Variants in SPIDR observed in about 807,000 individuals in gnomAD.
SPIDR encodes the protein scaffold protein involved in DNA repair, also known as DNA repair-scaffolding protein.
In SPIDR, 93 loss-of-function variants were observed where a neutral mutation model predicts 104.6. The observed-to-expected ratio is 0.89, with a 90% CI of 0.75 to 1.06. The LOEUF (loss-of-function observed/expected upper bound fraction) is 1.06, where lower values mean the gene tolerates loss of function less well. Ranked by LOEUF, SPIDR falls within the 50% of genes least tolerant of loss-of-function variation. The probability of loss-of-function intolerance (pLI) is 0.00; values close to 1 mark genes in which losing one functional copy is unlikely to be tolerated. For missense variants in SPIDR, 1,154 were observed against 1,111.2 expected, an observed-to-expected ratio of 1.04 and a Z score of -0.55; for synonymous variants, 431 against 416.9, an observed-to-expected ratio of 1.03 and a Z score of -0.41.
intron 5 of SPIDR, among the ~76,000 whole-genome samples, chr8:47,366,498 C>G (rs775075073): frequency 6.6e-6 from 1 of 152,130 alleles, no homozygotes. Context: ...ACCAGTGTTT[C>G]TAATGATTCT....
At chr8:47,334,718 T>A (rs2049372891) in intron 5 of SPIDR, among the ~76,000 whole-genome samples, 1 of 152,188 alleles carries the variant, frequency 6.6e-6, no homozygotes, top group Non-Finnish European at 1.5e-5. Context: ...ATTTTGACAA[T>A]TTGTCTTTTA....
At chr8:47,377,931 C>T (rs2058861469) in intron 5 of SPIDR, among the ~76,000 whole-genome samples, 1 of 152,130 alleles carries the variant, frequency 6.6e-6, no homozygotes, top group South Asian at 2.1e-4. Context: ...CTTTTAGTGC[C>T]TTGATTATTT....
At chr8:47,586,942 T>C (rs2154416287) in intron 8 of SPIDR, among the ~76,000 whole-genome samples, 1 of 152,266 alleles carries the variant, frequency 6.6e-6, no homozygotes, top group Admixed American at 6.5e-5. Flanking sequence ...CTAATTTTTG[T>C]ATTTTTAGTA....
At chr8:47,281,743 C>G (rs2037820115) in intron 2 of SPIDR, among the ~76,000 whole-genome samples, 1 of 152,212 alleles carries the variant, frequency 6.6e-6, no homozygotes, top group African/African-American at 2.4e-5. Context: ...TCAACTTCTT[C>G]CAAACTCCTG....
chr8:47,402,579 A>G (rs1432055136), intron 6 of SPIDR, among the ~76,000 whole-genome samples: 1 of 152,224 alleles, frequency 6.6e-6, no homozygotes, highest in African/African-American at 2.4e-5. Flanking sequence ...AAACACCTCT[A>G]CGCAAATAAA....
chr8:47,274,734 C>G (rs1341543829), intron 1 of SPIDR, among the ~76,000 whole-genome samples: 3 of 151,558 alleles, frequency 2.0e-5, no homozygotes, highest in African/African-American at 7.3e-5. Context: ...CGCGACCACA[C>G]CCGGCTAATT....
intron 9 of SPIDR, among the ~76,000 whole-genome samples, chr8:47,596,988 A>C (rs919785669): frequency 6.6e-6 from 1 of 152,192 alleles, no homozygotes; most frequent in African/African-American, 2.4e-5. Context: ...AGTAACATGC[A>C]TGAAGCTGTC....
At chr8:47,378,498 A>G (rs1264132328) in intron 5 of SPIDR, among the ~76,000 whole-genome samples, 1 of 152,226 alleles carries the variant, frequency 6.6e-6, no homozygotes, top group Non-Finnish European at 1.5e-5. Context: ...CTACATACAT[A>G]TAGATTTTAC....
At chr8:47,495,486 T>G (rs1379969829) in intron 8 of SPIDR, among the ~76,000 whole-genome samples, 2 of 152,152 alleles carry the variant, frequency 1.3e-5, no homozygotes, top group African/African-American at 4.8e-5. Flanking sequence ...TGTACAACCA[T>G]GAGAATGTTT....
At chr8:47,666,850 C>T (rs886384223) in intron 10 of SPIDR, among the ~76,000 whole-genome samples, 2 of 151,998 alleles carry the variant, frequency 1.3e-5, no homozygotes, top group Non-Finnish European at 2.9e-5. Flanking sequence ...AAAAATACTT[C>T]CTGTTGGATC....
At chr8:47,490,327 T>C (rs2078471365) in intron 8 of SPIDR, among the ~76,000 whole-genome samples, 1 of 152,084 alleles carries the variant, frequency 6.6e-6, no homozygotes, top group Non-Finnish European at 1.5e-5. Context: ...AGAATGGCGA[T>C]CATTAAAAAG....
intron 7 of SPIDR, among the ~76,000 whole-genome samples, chr8:47,437,417 A>C (rs1453613328): frequency 9.8e-3 from 1,234 of 125,528 alleles, no homozygotes; most frequent in South Asian, 0.015. Flanking sequence ...TACAAAGGAC[A>C]TGAACTCATC....
intron 16 of SPIDR, among the ~76,000 whole-genome samples, chr8:47,723,025 A>G (rs544463352): frequency 2.1e-4 from 31 of 150,708 alleles, no homozygotes; most frequent in African/African-American, 2.0e-4. Flanking sequence ...TGTTGTTGTT[A>G]TTGTTGTTGT....
intron 5 of SPIDR, among the ~76,000 whole-genome samples, chr8:47,320,627 T>C (rs1468578006): frequency 6.6e-6 from 1 of 152,042 alleles, no homozygotes; most frequent in African/African-American, 2.4e-5. Flanking sequence ...TACCAAAGCC[T>C]GGCAGAGACA....
chr8:47,280,053 A>G, intron 2 of SPIDR, 36 bp downstream of exon 2: 2 of 1,601,652 alleles, frequency 1.2e-6, no homozygotes, highest in Non-Finnish European at 1.7e-6. Flanking sequence ...CCTGAATGCC[A>G]AAGAGGAAAT....
At position 47,261,004 on chromosome 8, in the gene SPIDR, G is replaced by A. The variant is rs961010982; in HGVS notation, c.33+13G>A. On this transcript the variant is annotated intron_variant, in intron 1 of 19. Coordinates refer to ENST00000297423, the MANE Select transcript of SPIDR (RefSeq NM_001080394.4). ...TCGGGGCTCTAAGGTAGGCTCTGGG[G>A]CGGGAGTGGGCGCCGCGCCGTTTCC... The A allele has an allele frequency of 6.5e-6, 8 of 1,227,900 alleles. No homozygotes were observed. The highest frequency in any genetic ancestry group is 4.3e-5 in the Admixed American group (1 of 23,480). The allele number at this position is 1,227,900 out of a possible 1,614,324, so 76.1% of individuals were successfully genotyped here.
At chr8:47,270,089 C>T (rs998119516) in intron 1 of SPIDR, among the ~76,000 whole-genome samples, 24 of 152,240 alleles carry the variant, frequency 1.6e-4, no homozygotes, top group Admixed American at 1.4e-3. Context: ...CATCTATATT[C>T]ATAAACAGTT....
At chr8:47,291,815 G>C (rs2039956051) in intron 4 of SPIDR, among the ~76,000 whole-genome samples, 4 of 152,162 alleles carry the variant, frequency 2.6e-5, no homozygotes, top group African/African-American at 9.7e-5. Flanking sequence ...CCAGTGTGTG[G>C]TAGAGGTGTA....
In SPIDR at chr8:47,385,091, C is replaced by T. The variant is rs561969537; in HGVS notation, c.526-11285C>T. Among the ~76,000 whole-genome samples the T allele has an allele frequency of 2.6e-4, 39 of 152,126 alleles. No individual in the cohort carries two copies. The South Asian group carries it at 7.1e-3, about 28-fold the overall frequency. On this transcript the variant is annotated intron_variant, in intron 5 of 19. Transcript: ENST00000297423. ...TTTAAATATTTTTAAATAAAAAATACATACTTATGGAAAAAATTTCAATTA... is the reference window on the plus strand; with the variant it reads ...TTTAAATATTTTTAAATAAAAAATATATACTTATGGAAAAAATTTCAATTA...
Sources: allele counts gnomAD v4.1 joint callset (sites outside exome capture counted in the v4.1 genomes callset), GRCh38; gene constraint gnomAD v4.1.1; transcripts MANE v1.5; gene names NCBI Gene and HGNC (gene_info 2026-07-23, HGNC 2026-07-21).